The following CWC27 variants were observed in gnomAD, a reference collection of about 807,000 sequenced individuals.
CWC27 encodes spliceosome-associated protein CWC27 homolog.
A neutral mutation model predicts 63.6 loss-of-function variants in CWC27; 47 were observed. The ratio of observed to expected loss-of-function variants is 0.74; its 90% CI spans 0.58 to 0.94. The LOEUF (loss-of-function observed/expected upper bound fraction) is 0.94, where lower values mean the gene tolerates loss of function less well. Ranked by LOEUF, CWC27 falls within the 40% of genes least tolerant of loss-of-function variation. The pLI is 0.00. For missense variants in CWC27, 495 were observed against 554.3 expected, an observed-to-expected ratio of 0.89 and a Z score of 1.07; for synonymous variants, 175 against 179.8, an observed-to-expected ratio of 0.97 and a Z score of 0.22.
At chr5:65,010,355 C>G (rs1265486560) in intron 13 of CWC27, among the ~76,000 whole-genome samples, 1 of 152,118 alleles carries the variant, frequency 6.6e-6, no homozygotes, top group Non-Finnish European at 1.5e-5. Flanking sequence ...TTTGGTCTTG[C>G]TGAGATTTTT....
chr5:64,784,051 CAT>C, intron 4 of CWC27, 72 bp downstream of exon 4: 1 of 1,283,900 alleles, frequency 7.8e-7, no homozygotes, highest in Non-Finnish European at 1.0e-6. Flanking sequence ...TTCTAAGATA[CAT>C]ATGATTAACT....
chr5:64,828,225 G>A (rs949177521), intron 10 of CWC27, among the ~76,000 whole-genome samples: 4 of 152,066 alleles, frequency 2.6e-5, no homozygotes, highest in Non-Finnish European at 4.4e-5. Flanking sequence ...GCTAGGATGA[G>A]TCATTTATAC....
At chr5:64,852,345 G>A (rs1249688483) in intron 10 of CWC27, among the ~76,000 whole-genome samples, 1 of 152,146 alleles carries the variant, frequency 6.6e-6, no homozygotes, top group Non-Finnish European at 1.5e-5. Flanking sequence ...TAATAAAATA[G>A]TATGCCTCTA....
chr5:64,881,649 G>T (rs1370929212), intron 10 of CWC27, among the ~76,000 whole-genome samples: 1 of 152,020 alleles, frequency 6.6e-6, no homozygotes, highest in African/African-American at 2.4e-5. Context: ...CTATTCTCAG[G>T]TCACCTGGCT....
intron 11 of CWC27, among the ~76,000 whole-genome samples, chr5:64,932,995 A>G (rs1748270229): frequency 6.6e-6 from 1 of 152,200 alleles, no homozygotes; most frequent in Admixed American, 6.5e-5. Context: ...TATTAAATTA[A>G]GTGTAAAATT....
chr5:65,011,050 C>A (rs901513827), intron 13 of CWC27, among the ~76,000 whole-genome samples: 20 of 152,132 alleles, frequency 1.3e-4, no homozygotes, highest in Admixed American at 1.2e-3. Flanking sequence ...CCAATTGGTA[C>A]AAAGGCGAAT....
At chr5:64,804,434 T>C (rs973595470) in intron 10 of CWC27, 48 bp downstream of exon 10, 2 of 1,471,756 alleles carry the variant, frequency 1.4e-6, no homozygotes, top group Non-Finnish European at 1.8e-6. Flanking sequence ...CTTTTTATAT[T>C]TCACTTTAAT....
intron 11 of CWC27, among the ~76,000 whole-genome samples, chr5:64,938,201 G>C (rs1165727022): frequency 6.6e-6 from 1 of 152,032 alleles, no homozygotes; most frequent in African/African-American, 2.4e-5. Context: ...TCATAGTGTC[G>C]ATGGTCTTTA....
chr5:64,891,209 A>T (rs1403674940), intron 11 of CWC27, among the ~76,000 whole-genome samples: 1 of 152,194 alleles, frequency 6.6e-6, no homozygotes. Flanking sequence ...AATGATTCCA[A>T]CCTAATTAGT....
At chr5:64,811,462 T>G (rs989320697) in intron 10 of CWC27, among the ~76,000 whole-genome samples, 1 of 152,086 alleles carries the variant, frequency 6.6e-6, no homozygotes, top group Non-Finnish European at 1.5e-5. Flanking sequence ...TTCTAAATTT[T>G]TATTGTGATT....
chr5:64,919,495 T>G (rs1024177623), intron 11 of CWC27, among the ~76,000 whole-genome samples: 6 of 152,208 alleles, frequency 3.9e-5, no homozygotes, highest in African/African-American at 1.4e-4. Flanking sequence ...CCTTCCAACC[T>G]ACACCCTCAT....
chr5:65,004,457 T>G (rs2112468531), intron 13 of CWC27, among the ~76,000 whole-genome samples: 1 of 151,246 alleles, frequency 6.6e-6, no homozygotes, highest in East Asian at 1.9e-4. Context: ...CAGAAATTCT[T>G]TCTTCTGCTA....
In CWC27 at chr5:64,781,937, C is replaced by A. The variant is rs1743707170; in HGVS notation, c.156C>A (p.Thr52=). The A allele has an allele frequency of 1.3e-6, 2 of 1,573,968 alleles. No homozygotes were observed. The highest frequency in any genetic ancestry group is 1.7e-6 in the Non-Finnish European group (2 of 1,150,626). ...QLCLEAYYDN[T]IFHRVVPGFI... The stretch of plus-strand genomic sequence containing the variant: ...TTTTTTCAGCTTATTATGACAATAC[C>A]ATTTTTCATAGAGTTGTGCCTGGTT... The change falls in exon 3 of 14, where the codon ACC becomes ACA. Residue 52 remains threonine (T), a synonymous_variant. Coordinates refer to ENST00000381070, the MANE Select transcript of CWC27 (RefSeq NM_005869.4).
chr5:64,780,446 C>T (rs1270352442), intron 2 of CWC27, among the ~76,000 whole-genome samples: 2 of 149,316 alleles, frequency 1.3e-5, no homozygotes, highest in East Asian at 1.9e-4. Flanking sequence ...TATAAACAAT[C>T]GATTCTTTTG....
chr5:64,918,389 A>T (rs1747932832), intron 11 of CWC27, among the ~76,000 whole-genome samples: 1 of 152,174 alleles, frequency 6.6e-6, no homozygotes, highest in African/African-American at 2.4e-5. Flanking sequence ...AATGTATTAT[A>T]TCCTCGAATA....
intron 10 of CWC27, among the ~76,000 whole-genome samples, chr5:64,842,576 A>G: frequency 6.7e-6 from 1 of 149,098 alleles, no homozygotes; most frequent in East Asian, 2.0e-4. Flanking sequence ...TGCTGAGATT[A>G]CAGGCGTGAG....
intron 11 of CWC27, among the ~76,000 whole-genome samples, chr5:64,970,401 A>T (rs910831510): frequency 2.6e-5 from 4 of 151,422 alleles, no homozygotes; most frequent in African/African-American, 9.7e-5. Flanking sequence ...TTTAGTAGAG[A>T]TGGGGTTTCA....
At chr5:64,928,149 CCTT>C (rs1748156967) in intron 11 of CWC27, among the ~76,000 whole-genome samples, 1 of 150,888 alleles carries the variant, frequency 6.6e-6, no homozygotes, top group South Asian at 2.1e-4. Context: ...GAGTGAAACT[CCTT>C]CTCAAAAAAA....
intron 10 of CWC27, among the ~76,000 whole-genome samples, chr5:64,827,450 T>G (rs187970516): frequency 9.8e-5 from 15 of 152,294 alleles, no homozygotes; most frequent in Non-Finnish European, 1.8e-4. Flanking sequence ...AGGACTTGTT[T>G]GTAGGAATCA....
Sources: gnomAD v4.1 joint callset for allele counts (sites outside exome capture counted in the v4.1 genomes callset) on GRCh38, gnomAD v4.1.1 for gene constraint, MANE v1.5 for transcripts, NCBI Gene and HGNC (gene_info 2026-07-23, HGNC 2026-07-21) for gene names.